Variants in KIF19 observed in about 807,000 individuals in gnomAD.
KIF19 encodes the protein kinesin family member 19, also known as kinesin-like protein KIF19.
Under a neutral mutation model 106.6 loss-of-function variants are expected in KIF19, and 98 were observed. The ratio of observed to expected loss-of-function variants is 0.92; its 90% CI spans 0.78 to 1.09. The LOEUF is 1.09. KIF19 is among the 50% of genes least tolerant of loss of function. The pLI, the probability that KIF19 is intolerant of heterozygous loss-of-function variation, is 0.00. For missense variants in KIF19, 1,373 were observed against 1,414.3 expected, an observed-to-expected ratio of 0.97 and a Z score of 0.47; for synonymous variants, 516 against 584.2, an observed-to-expected ratio of 0.88 and a Z score of 1.68.
In KIF19 at chr17:74,326,312, C is replaced by T; in HGVS notation, c.-38C>T. The T allele has an allele frequency of 6.3e-7, 1 of 1,596,726 alleles. No individual in the cohort carries two copies. ...CGGTGGGGGTGCGGCTGAGCCATGCCCGGTGGCGCGGCCTGAGCCCCTCCA... is the reference window on the plus strand; with the variant it reads ...CGGTGGGGGTGCGGCTGAGCCATGCTCGGTGGCGCGGCCTGAGCCCCTCCA... On this transcript the variant is annotated 5_prime_UTR_variant, in exon 1 of 20. Coordinates refer to ENST00000389916, the MANE Select transcript of KIF19 (RefSeq NM_153209.4).
At position 74,350,456 on chromosome 17, in the gene KIF19, G is replaced by A. The variant is rs1323726964; in HGVS notation, c.1269G>A (p.Arg423=). Residue 423 remains arginine (R), a synonymous_variant, in exon 11 of 20, where the codon CGG becomes CGA. Transcript: ENST00000389916. ...QGEKAGMGQL[R]EQLASAFQEQ... ...AGAAGGCTGGCATGGGACAGCTTCGGGAGCAGCTCGCCAGCGCCTTCCAGG... is the reference window on the plus strand; with the variant it reads ...AGAAGGCTGGCATGGGACAGCTTCGAGAGCAGCTCGCCAGCGCCTTCCAGG... The A allele has an allele frequency of 6.2e-7, 1 of 1,610,042 alleles. No homozygotes were observed. Among genetic ancestry groups the A allele is most frequent in the Middle Eastern group, 1.7e-4 (1 of 5,944 alleles).
chr17:74,326,571 C>A (rs551028223), intron 1 of KIF19, among the ~76,000 whole-genome samples, 183 bp downstream of exon 1: 2 of 152,290 alleles, frequency 1.3e-5, no homozygotes, highest in South Asian at 2.1e-4. Context: ...GGGACCATGG[C>A]CTTTTTAGAC....
At chr17:74,332,181 T>A (rs1158776364) in intron 2 of KIF19, among the ~76,000 whole-genome samples, 1 of 38,794 alleles carries the variant, frequency 2.6e-5, no homozygotes, top group African/African-American at 1.1e-4. Flanking sequence ...AACACCTCAG[T>A]GTGTGTGTGT....
intron 2 of KIF19, among the ~76,000 whole-genome samples, chr17:74,337,830 C>A (rs2054259896): frequency 6.6e-6 from 1 of 152,212 alleles, no homozygotes; most frequent in African/African-American, 2.4e-5. Context: ...GAGCACCTGT[C>A]CCCACCCCTC....
intron 10 of KIF19, among the ~76,000 whole-genome samples, chr17:74,349,626 G>A (rs551923168): frequency 6.6e-6 from 1 of 152,386 alleles, no homozygotes; most frequent in East Asian, 1.9e-4. Context: ...GCAATGAGCT[G>A]CGCAGGGCGC....
chr17:74,343,515 C>T (rs995516866), intron 5 of KIF19, among the ~76,000 whole-genome samples: 3 of 152,212 alleles, frequency 2.0e-5, no homozygotes, highest in Non-Finnish European at 4.4e-5. Context: ...ACTGAACATA[C>T]ATGTACAGTC....
At chr17:74,350,269 G>A (rs2054660435) in intron 10 of KIF19, 132 bp from the exon 11 acceptor site, 1 of 799,480 alleles carries the variant, frequency 1.3e-6, no homozygotes, top group Admixed American at 2.8e-5. Context: ...GGGTCTTCCT[G>A]GAGGAAGCAG....
rs1442697207 is a variant in KIF19 at position 74,355,407 on chromosome 17, G to T, written c.*95G>T. 30 of 1,412,428 alleles carry T rather than the reference G, an allele frequency of 2.1e-5. No individual in the cohort carries two copies. The highest frequency in any genetic ancestry group is 2.5e-5 in the Non-Finnish European group (27 of 1,071,322). 87.5% of individuals were successfully genotyped at this position (1,412,428 alleles called of 1,614,324 possible). The stretch of plus-strand genomic sequence containing the variant: ...GAGGCTGGGCAGATGGAGATGACCA[G>T]GAAGTAAGCTCAGGATCTCAGCAGG... On this transcript the variant is annotated 3_prime_UTR_variant, in exon 20 of 20. Coordinates refer to ENST00000389916, the MANE Select transcript of KIF19 (RefSeq NM_153209.4).
chr17:74,335,609 G>A (rs1458225001), intron 2 of KIF19, among the ~76,000 whole-genome samples: 2 of 152,270 alleles, frequency 1.3e-5, no homozygotes, highest in Non-Finnish European at 2.9e-5. Flanking sequence ...GGCTGGGAGA[G>A]GAGGCCGTGG....
chr17:74,349,664 G>A (rs771710570), intron 10 of KIF19, among the ~76,000 whole-genome samples: 68 of 152,244 alleles, frequency 4.5e-4, no homozygotes, highest in Non-Finnish European at 7.8e-4. Flanking sequence ...GTAGGGCTGC[G>A]AGGTCATGCC....
intron 4 of KIF19, 145 bp from the exon 5 acceptor site, chr17:74,342,879 C>A: frequency 1.7e-6 from 2 of 1,189,890 alleles, no homozygotes; most frequent in Non-Finnish European, 2.3e-6. Context: ...CGAGCCGGGG[C>A]ATCATCCTCC....
chr17:74,355,075 TGGCATCCTGG>T (rs2054841644), intron 19 of KIF19, 97 bp from the exon 20 acceptor site: 3 of 1,539,460 alleles, frequency 1.9e-6, no homozygotes, highest in Non-Finnish European at 1.8e-6. Flanking sequence ...CTCATGGGAC[TGGCATCCTGG>T]GGTGGTGCCC....
chr17:74,353,863 C>T (rs561353597), intron 17 of KIF19, among the ~76,000 whole-genome samples: 16 of 152,330 alleles, frequency 1.1e-4, no homozygotes, highest in African/African-American at 3.8e-4. Context: ...CCGCCGCCTC[C>T]GCTCAGTAAT....
At position 74,354,484 on chromosome 17, in the gene KIF19, C is replaced by T; in HGVS notation, c.2631C>T (p.Gly877=). 6.2e-7 allele frequency: 1 copy of T among 1,607,626 alleles called. No homozygotes were observed. Among genetic ancestry groups the T allele is most frequent in the Non-Finnish European group, 8.5e-7 (1 of 1,177,596 alleles). ...TGCGTGGCCAGAAGAAAAGCCTGGG[C>T]AAGAAAAGGGAGGAGTCGCTGGAGG... ...PWLRGQKKSL[G]KKREESLEAK... Residue 877 remains glycine, a synonymous_variant, in exon 18 of 20, where the codon GGC becomes GGT. Coordinates refer to ENST00000389916, the MANE Select transcript of KIF19 (RefSeq NM_153209.4).
chr17:74,347,759 C>T lies in KIF19; in HGVS notation c.925-18C>T, dbSNP rs953283501. ...CTGAGGAGGCAGTCCCCACTGACCA[C>T]AGCCACCTCCCATCCAGGACTCTCT... On this transcript the variant is annotated intron_variant, in intron 8 of 19. Coordinates refer to ENST00000389916, the MANE Select transcript of KIF19 (RefSeq NM_153209.4). 6.3e-7 allele frequency: 1 copy of T among 1,586,164 alleles called. No homozygotes were observed. Among genetic ancestry groups the T allele is most frequent in the Non-Finnish European group, 8.6e-7 (1 of 1,166,844 alleles).
At position 74,346,601 on chromosome 17, in the gene KIF19, AC is replaced by A. The variant is rs1598390765; in HGVS notation, c.924+80del. The A allele has an allele frequency of 7.2e-7, 1 of 1,398,408 alleles. No homozygotes were observed. Among genetic ancestry groups the A allele is most frequent in the East Asian group, 2.5e-5 (1 of 39,684 alleles). The allele number at this position is 1,398,408 out of a possible 1,614,324, so 86.6% of individuals were successfully genotyped here. On this transcript the variant is annotated intron_variant, in intron 8 of 19. Coordinates refer to ENST00000389916, the MANE Select transcript of KIF19 (RefSeq NM_153209.4). This position sits in a 1 kb window ranked among gnomAD's most constrained non-coding sequence, Gnocchi z 4.6. Reference sequence around the variant, plus strand: ...GATTAAACAAATGAAAATACAGGGCACCCAGCTAAATTCCAACCTCAGGATA... The same window carrying A: ...GATTAAACAAATGAAAATACAGGGCACCAGCTAAATTCCAACCTCAGGATA...
intron 9 of KIF19, 129 bp from the exon 10 acceptor site, chr17:74,349,054 AG>A: frequency 1.2e-6 from 1 of 828,202 alleles, no homozygotes; most frequent in South Asian, 1.7e-5. Context: ...GTGGAAGTGG[AG>A]GAAAGGAGGC....
chr17:74,331,292 T>C lies in KIF19; in HGVS notation c.120+2787T>C, dbSNP rs928983639. Among the ~76,000 whole-genome samples the C allele has an allele frequency of 1.3e-5, 2 of 152,108 alleles. No individual in the cohort carries two copies. The highest frequency in any genetic ancestry group is 4.8e-5 in the African/African-American group (2 of 41,410). ...AAGCTCTGTCCTTCCTCCTAAGGCC[T>C]GGAGGCACCATGGACAGGTGGGTGT... On this transcript the variant is annotated intron_variant, in intron 2 of 19. Coordinates refer to ENST00000389916, the MANE Select transcript of KIF19 (RefSeq NM_153209.4). The surrounding 1 kb of genome is among the most constrained non-coding windows in gnomAD (Gnocchi z 4.1).
Position 74,341,859 on chromosome 17 carries a change from C to G in KIF19, c.121-17C>G, listed in dbSNP as rs372354969. ...GGTTCCCAGGTGACCGTGGGCCTCC[C>G]TCTGGGGACCTTGCAGATGGTGGTT... On this transcript the variant is annotated splice_polypyrimidine_tract_variant and intron_variant, in intron 2 of 19. Coordinates refer to ENST00000389916, the MANE Select transcript of KIF19 (RefSeq NM_153209.4). 4.4e-6 allele frequency: 7 copies of G among 1,602,764 alleles called. No homozygotes were observed. The African/African-American group carries it at 9.4e-5, about 21-fold the overall frequency.
Sources: gnomAD v4.1 joint callset for allele counts (sites outside exome capture counted in the v4.1 genomes callset) on GRCh38, gnomAD v4.1.1 for gene constraint, Gnocchi (gnomAD v3.1) non-coding constraint, MANE v1.5 for transcripts, NCBI Gene and HGNC (gene_info 2026-07-23, HGNC 2026-07-21) for gene names.